Variants in UMAD1 observed in about 807,000 individuals in gnomAD.
UMAD1 encodes the protein UBAP1-MVB12-associated (UMA)-domain containing protein 1.
Under a neutral mutation model 6.1 loss-of-function variants are expected in UMAD1, and 8 were observed. The ratio of observed to expected loss-of-function variants is 1.30; its 90% confidence interval spans 0.76 to 2.35. UMAD1 has a LOEUF of 2.35. Among genes scored for constraint, UMAD1 ranks in the 30% most tolerant of loss-of-function variants. The pLI is 0.00. For missense variants in UMAD1, 130 were observed against 78.4 expected (o/e 1.66, Z -2.49); for synonymous variants, 56 against 31.4 (o/e 1.78, Z -2.61).
At chr7:7,795,300 A>T (rs1340190083) in intron 2 of UMAD1, among the ~76,000 whole-genome samples, 1 of 152,150 alleles carries the variant, frequency 6.6e-6, no homozygotes, top group Non-Finnish European at 1.5e-5. Context: ...AGCTAGTTCC[A>T]CTCAGTTACA....
intron 3 of UMAD1, among the ~76,000 whole-genome samples, chr7:7,863,678 A>C (rs1444888314): frequency 6.6e-6 from 1 of 152,146 alleles, no homozygotes; most frequent in African/African-American, 2.4e-5. Flanking sequence ...TCCTTCTTGC[A>C]TCAAGAGCCA....
At chr7:7,772,011 C>G (rs781703165) in intron 2 of UMAD1, among the ~76,000 whole-genome samples, 6 of 151,922 alleles carry the variant, frequency 3.9e-5, no homozygotes, top group Admixed American at 2.0e-4. Context: ...GAAGCATGCT[C>G]TAACATTTTG....
At chr7:7,688,065 A>G (rs1186830031) in intron 2 of UMAD1, among the ~76,000 whole-genome samples, 1 of 152,280 alleles carries the variant, frequency 6.6e-6, no homozygotes, top group Middle Eastern at 3.4e-3. Flanking sequence ...TTCTTAACCC[A>G]TGTTGAGTTT....
chr7:7,697,494 T>C (rs1425166083), intron 2 of UMAD1, among the ~76,000 whole-genome samples: 6 of 152,230 alleles, frequency 3.9e-5, no homozygotes, highest in Non-Finnish European at 7.3e-5. Flanking sequence ...GTAAAATTCA[T>C]TTTGAAATAT....
intron 2 of UMAD1, among the ~76,000 whole-genome samples, chr7:7,700,567 TAAAAA>T (rs2115152995): frequency 6.6e-6 from 1 of 151,756 alleles, no homozygotes; most frequent in South Asian, 2.1e-4. Context: ...CTCTACAAAA[TAAAAA>T]CAACAAACAA....
chr7:7,770,399 A>G (rs1180744490), intron 2 of UMAD1, among the ~76,000 whole-genome samples: 1 of 151,888 alleles, frequency 6.6e-6, no homozygotes. Context: ...CTTTCCTTCC[A>G]TCTTATAAAC....
At chr7:7,783,325 A>T (rs1782388413) in intron 2 of UMAD1, among the ~76,000 whole-genome samples, 1 of 151,938 alleles carries the variant, frequency 6.6e-6, no homozygotes, top group African/African-American at 2.4e-5. Context: ...GGAATTAATT[A>T]TTTCTCATGA....
chr7:7,843,138 A>C (rs1169140304), intron 3 of UMAD1, among the ~76,000 whole-genome samples: 2 of 152,226 alleles, frequency 1.3e-5, no homozygotes, highest in Non-Finnish European at 2.9e-5. Context: ...TCTCTCTGCC[A>C]CTTTAAGAAA....
chr7:7,833,846 T>C (rs1193053819), intron 3 of UMAD1, among the ~76,000 whole-genome samples: 1 of 152,124 alleles, frequency 6.6e-6, no homozygotes, highest in Admixed American at 6.5e-5. Context: ...GAAATGAAGA[T>C]GCCAGAGAGG....
At chr7:7,829,396 T>C (rs183517931) in intron 3 of UMAD1, among the ~76,000 whole-genome samples, 1 of 152,298 alleles carries the variant, frequency 6.6e-6, no homozygotes, top group East Asian at 1.9e-4. Flanking sequence ...TTTTTAAGCA[T>C]CTACTTTGAT....
chr7:7,704,766 CAAAAAAAAAAAAAA>C (rs71011001), intron 2 of UMAD1, among the ~76,000 whole-genome samples: 1 of 17,826 alleles, frequency 5.6e-5, no homozygotes, highest in African/African-American at 2.1e-4. Flanking sequence ...GACTCCATCT[CAAAAAAAAAAAAAA>C]AAAAAAAAAA....
intron 2 of UMAD1, among the ~76,000 whole-genome samples, chr7:7,748,379 T>C (rs1036830943): frequency 4.6e-5 from 7 of 152,174 alleles, no homozygotes; most frequent in Non-Finnish European, 5.9e-5. Context: ...GAATTCAATA[T>C]GCATTTATAA....
At chr7:7,765,861 A>G (rs1781974075) in intron 2 of UMAD1, among the ~76,000 whole-genome samples, 1 of 152,194 alleles carries the variant, frequency 6.6e-6, no homozygotes, top group African/African-American at 2.4e-5. Flanking sequence ...GTTCTACTCA[A>G]AATTTTGGAA....
chr7:7,667,028 C>T (rs1349964647), intron 1 of UMAD1, among the ~76,000 whole-genome samples: 2 of 152,134 alleles, frequency 1.3e-5, no homozygotes, highest in Non-Finnish European at 2.9e-5. Context: ...GGCCAGGTCT[C>T]TAACTCCTAA....
rs113699663 is a variant in UMAD1 at position 7,757,887 on chromosome 7, C to A, written c.83-43783C>A. Among the ~76,000 whole-genome samples, 650 of 152,210 alleles carry A rather than the reference C, an allele frequency of 4.3e-3. 4 individuals carry two copies. Among genetic ancestry groups the A allele is most frequent in the African/African-American group, 0.014 (587 of 41,510 alleles). On this transcript the variant is annotated intron_variant, in intron 2 of 3. Transcript: ENST00000682710. ...CCCGCCACCATTCCAGAGGCCGCAG[C>A]AGGGTTCTGTGTTGTGTTGTGTTTG...
At chr7:7,641,246 C>G (rs1332962955) in intron 1 of UMAD1, 1 of 152,228 alleles carries the variant, frequency 6.6e-6, no homozygotes, top group Non-Finnish European at 1.5e-5. Context: ...ACTGCGGAGG[C>G]GCCGGTTCTT....
intron 3 of UMAD1, among the ~76,000 whole-genome samples, chr7:7,874,006 C>T (rs970489199): frequency 2.0e-5 from 3 of 152,156 alleles, no homozygotes; most frequent in African/African-American, 7.2e-5. Flanking sequence ...CACCTGATGT[C>T]CGCTAGGCAC....
intron 2 of UMAD1, among the ~76,000 whole-genome samples, chr7:7,701,957 CTCT>C (rs1410307168): frequency 2.0e-5 from 3 of 152,188 alleles, no homozygotes; most frequent in Non-Finnish European, 4.4e-5. Flanking sequence ...GACCTCTTTT[CTCT>C]TCTTAACGAA....
At chr7:7,641,439 T>G (rs1008117735) in intron 1 of UMAD1, 4 of 152,162 alleles carry the variant, frequency 2.6e-5, no homozygotes, top group African/African-American at 9.7e-5. Context: ...AAACGAAGGG[T>G]TAGGCGGAAT....
Sources: gnomAD v4.1 joint callset for allele counts (sites outside exome capture counted in the v4.1 genomes callset) on GRCh38, gnomAD v4.1.1 for gene constraint, MANE v1.5 for transcripts, NCBI Gene and HGNC (gene_info 2026-07-23, HGNC 2026-07-21) for gene names.